Variants in SLC9A9 observed in about 807,000 individuals in gnomAD.
The protein encoded by SLC9A9 is solute carrier family 9 member A9.
SLC9A9 carries 62 observed loss-of-function variants against 77.8 expected under a neutral mutation model. That is an observed-to-expected ratio of 0.80 (90% confidence interval 0.65 to 0.98). The LOEUF (loss-of-function observed/expected upper bound fraction) is 0.98. Ranked by LOEUF, SLC9A9 falls within the 50% of genes least tolerant of loss-of-function variation. The pLI is 0.00. For missense variants in SLC9A9, 775 were observed against 774.9 expected, an observed-to-expected ratio of 1.00 and a Z score of 0.00; for synonymous variants, 320 against 283.5, an observed-to-expected ratio of 1.13 and a Z score of -1.29.
At chr3:143,271,328 T>G (rs768937724) in intron 14 of SLC9A9, among the ~76,000 whole-genome samples, 25 of 152,326 alleles carry the variant, frequency 1.6e-4, no homozygotes, top group Non-Finnish European at 3.1e-4. Context: ...GGATTTTGAC[T>G]CAGACCCAGG....
At chr3:143,399,680 T>C (rs753809165) in intron 12 of SLC9A9, among the ~76,000 whole-genome samples, 19 of 152,162 alleles carry the variant, frequency 1.2e-4, no homozygotes, top group Non-Finnish European at 2.4e-4. Context: ...TGAAAGTTAA[T>C]TGGATGCTTG....
chr3:143,818,656 C>T (rs938395548), intron 2 of SLC9A9, among the ~76,000 whole-genome samples: 1 of 151,928 alleles, frequency 6.6e-6, no homozygotes, highest in African/African-American at 2.4e-5. Flanking sequence ...AATACAGAAT[C>T]AGGCAGGTGA....
At position 143,313,111 on chromosome 3, in the gene SLC9A9, C is replaced by T. The variant is rs1006135571; in HGVS notation, c.1605-44131G>A. Reference sequence around the variant, plus strand: ...TTTACTGTGGAAAACAAGTACCATGCCAGGGACTCCCACTCATACCATCAA... The same window carrying T: ...TTTACTGTGGAAAACAAGTACCATGTCAGGGACTCCCACTCATACCATCAA... On this transcript the variant is annotated intron_variant, in intron 14 of 15. Transcript: ENST00000316549. 2.6e-5 allele frequency: 4 copies of T among 152,300 alleles called. No individual in the cohort carries two copies. In the East Asian group the frequency reaches 7.7e-4, roughly 29 times the overall value. 9.4% of individuals were successfully genotyped at this position (152,300 alleles called of 1,614,324 possible).
At chr3:143,333,126 G>A (rs1229062602) in intron 14 of SLC9A9, among the ~76,000 whole-genome samples, 1 of 152,124 alleles carries the variant, frequency 6.6e-6, no homozygotes, top group Non-Finnish European at 1.5e-5. Context: ...TGCCTTTCAT[G>A]TTCTGATTGG....
chr3:143,803,354 C>T (rs1275905532), intron 2 of SLC9A9, among the ~76,000 whole-genome samples: 2 of 152,196 alleles, frequency 1.3e-5, no homozygotes. Context: ...TGCAACAGGG[C>T]TTTATGCAGT....
At chr3:143,624,931 T>C (rs1329041088) in intron 6 of SLC9A9, among the ~76,000 whole-genome samples, 1 of 152,128 alleles carries the variant, frequency 6.6e-6, no homozygotes. Context: ...GGATACAAAA[T>C]CAATGTGCAA....
At chr3:143,835,403 C>A (rs912751851) in intron 1 of SLC9A9, among the ~76,000 whole-genome samples, 1 of 152,236 alleles carries the variant, frequency 6.6e-6, no homozygotes, top group Non-Finnish European at 1.5e-5. Context: ...GGTTAAAAAA[C>A]CCATGCACTC....
At chr3:143,780,841 T>TA (rs2007849723) in intron 4 of SLC9A9, among the ~76,000 whole-genome samples, 1 of 152,192 alleles carries the variant, frequency 6.6e-6, no homozygotes, top group Admixed American at 6.5e-5. Context: ...TCATAGGAAA[T>TA]ATCTGGTATA....
chr3:143,710,169 C>T (rs1340806662), intron 4 of SLC9A9, among the ~76,000 whole-genome samples: 1 of 152,130 alleles, frequency 6.6e-6, no homozygotes, highest in East Asian at 1.9e-4. Flanking sequence ...TGTGTATAAA[C>T]ACAAACATAT....
chr3:143,720,526 T>A (rs1934469256), intron 4 of SLC9A9, among the ~76,000 whole-genome samples: 1 of 152,178 alleles, frequency 6.6e-6, no homozygotes, highest in African/African-American at 2.4e-5. Flanking sequence ...TTTTATTTTT[T>A]CATTCCATCC....
chr3:143,301,735 C>T (rs1423850062), intron 14 of SLC9A9, among the ~76,000 whole-genome samples: 1 of 152,132 alleles, frequency 6.6e-6, no homozygotes, highest in East Asian at 1.9e-4. Flanking sequence ...CTGACACTGA[C>T]CAAAGTGTGA....
rs1308200574 is a variant in SLC9A9 at position 143,334,521 on chromosome 3, C to A, written c.1604+28963G>T. Among the ~76,000 whole-genome samples, 4 of 152,118 alleles carry A rather than the reference C, an allele frequency of 2.6e-5. No individual in the cohort carries two copies. The East Asian group carries it at 7.7e-4, about 29-fold the overall frequency. On this transcript the variant is annotated intron_variant, in intron 14 of 15. Transcript: ENST00000316549. ...TTTTGGTTCATGACCCAATTTGGAC[C>A]CTTACTTGCTTTGTGATTTTGAGCC... is the stretch of plus-strand genomic sequence containing the variant.
intron 14 of SLC9A9, chr3:143,314,524 G>A (rs1187480775): frequency 1.3e-5 from 2 of 152,382 alleles, no homozygotes; most frequent in Non-Finnish European, 2.9e-5. Flanking sequence ...TGATTAGCAA[G>A]TATCGCTACA....
rs1439437642 is a variant in SLC9A9 at position 143,363,488 on chromosome 3, G to A, written c.1600C>T (p.His534Tyr). ...ATCGTTATTATCAAAGGATACTTGT[G>A]GTCAAAGCTATACCACATTCTGAAG... is the stretch of plus-strand genomic sequence containing the variant. ...RLFRMWYSFD[H>Y]KYLKPILTHS... The change falls in exon 14 of 16, where the codon CAC (histidine) becomes TAC (tyrosine). Residue 534 changes from histidine to tyrosine, a missense_variant. Coordinates refer to ENST00000316549, the MANE Select transcript of SLC9A9 (RefSeq NM_173653.4). The A allele has an allele frequency of 6.2e-7, 1 of 1,612,500 alleles. No homozygotes were observed. Among genetic ancestry groups the A allele is most frequent in the Middle Eastern group, 1.7e-4 (1 of 6,052 alleles).
intron 5 of SLC9A9, among the ~76,000 whole-genome samples, chr3:143,653,819 A>G (rs1267802501): frequency 3.3e-5 from 5 of 152,196 alleles, no homozygotes; most frequent in Non-Finnish European, 7.3e-5. Context: ...CCTGGGTTCT[A>G]ATAGACCAAT....
chr3:143,495,528 C>A (rs1468111350), intron 9 of SLC9A9, 80 bp from the exon 10 acceptor site: 1 of 1,061,410 alleles, frequency 9.4e-7, no homozygotes, highest in Non-Finnish European at 1.5e-6. Context: ...CTGTATTTGA[C>A]AACTGACTGG....
Position 143,266,168 on chromosome 3 carries a change from A to AACACTTCTC in SLC9A9, c.*525_*533dup, listed in dbSNP as rs1480837686. 6.7e-5 allele frequency: 47 copies of AACACTTCTC among 700,746 alleles called. No individual in the cohort carries two copies. Among genetic ancestry groups the AACACTTCTC allele is most frequent in the East Asian group, 1.6e-4 (6 of 37,278 alleles). The allele number at this position is 700,746 out of a possible 1,614,324, so 43.4% of individuals were successfully genotyped here. A position where few individuals can be genotyped will look rare whatever the true frequency, so the allele number is the denominator to read the frequency against. On this transcript the variant is annotated 3_prime_UTR_variant, in exon 16 of 16. Coordinates refer to ENST00000316549, the MANE Select transcript of SLC9A9 (RefSeq NM_173653.4). ...GGGAAACCATCAGCAGTGGGTACGG[A>AACACTTCTC]ACACTTCTCTGGGCTCTGCCCTGGG...
intron 9 of SLC9A9, among the ~76,000 whole-genome samples, chr3:143,541,136 C>A (rs73146778): frequency 6.6e-6 from 1 of 152,114 alleles, no homozygotes; most frequent in South Asian, 2.1e-4. Flanking sequence ...TCCAATTTTA[C>A]GGAATCGATT....
chr3:143,613,295 A>G (rs2038050360), intron 6 of SLC9A9, among the ~76,000 whole-genome samples: 1 of 152,228 alleles, frequency 6.6e-6, no homozygotes, highest in South Asian at 2.1e-4. Flanking sequence ...AAATATCTAT[A>G]GCAAGTGGTT....
Sources: allele counts gnomAD v4.1 joint callset (sites outside exome capture counted in the v4.1 genomes callset), GRCh38; gene constraint gnomAD v4.1.1; transcripts MANE v1.5; gene names NCBI Gene and HGNC (gene_info 2026-07-23, HGNC 2026-07-21).